Variants in MYO3B observed in about 807,000 individuals in gnomAD.
The protein encoded by MYO3B is myosin IIIB.
MYO3B carries 156 observed loss-of-function variants against 174.6 expected under a neutral mutation model. The observed-to-expected ratio is 0.89, with a 90% CI of 0.78 to 1.02. The LOEUF is 1.02. MYO3B is among the 50% of genes least tolerant of loss of function. The probability of loss-of-function intolerance (pLI) is 0.00; values close to 1 mark genes in which losing one functional copy is unlikely to be tolerated. For synonymous variants in MYO3B, 563 were observed against 569.1 expected, an observed-to-expected ratio of 0.99 and a Z score of 0.15; for missense variants, 1,632 against 1,639.4, an observed-to-expected ratio of 1.00 and a Z score of 0.08.
At chr2:170,205,339 T>C (rs552251468) in intron 3 of MYO3B, among the ~76,000 whole-genome samples, 2 of 152,088 alleles carry the variant, frequency 1.3e-5, no homozygotes, top group Non-Finnish European at 2.9e-5. Flanking sequence ...GAGACCAAAA[T>C]GAGGTGTCAG....
intron 1 of MYO3B, among the ~76,000 whole-genome samples, chr2:170,194,012 A>C (rs1394162252): frequency 6.6e-6 from 1 of 152,184 alleles, no homozygotes; most frequent in African/African-American, 2.4e-5. Context: ...TTCTAAGTAT[A>C]AATGGGTTCA....
intron 32 of MYO3B, among the ~76,000 whole-genome samples, chr2:170,637,117 A>G (rs1352304645): frequency 6.6e-6 from 1 of 150,954 alleles, no homozygotes; most frequent in Admixed American, 6.6e-5. Flanking sequence ...TTTTTATGAC[A>G]TATAGGAAGG....
At chr2:170,178,548 CCACACACACACA>C (rs3066877) in intron 1 of MYO3B, among the ~76,000 whole-genome samples, 1 of 151,164 alleles carries the variant, frequency 6.6e-6, no homozygotes, top group Non-Finnish European at 1.5e-5. Flanking sequence ...CAGACACACA[CCACACACACACA>C]CACACACACA....
intron 25 of MYO3B, among the ~76,000 whole-genome samples, chr2:170,481,454 G>A (rs539749384): frequency 1.3e-5 from 2 of 152,324 alleles, no homozygotes; most frequent in South Asian, 4.1e-4. Flanking sequence ...GCACATGCCT[G>A]TGGTCCTAGC....
intron 25 of MYO3B, among the ~76,000 whole-genome samples, chr2:170,487,448 T>C (rs1350815366): frequency 6.6e-6 from 1 of 152,236 alleles, no homozygotes; most frequent in Non-Finnish European, 1.5e-5. Flanking sequence ...GATACATCAG[T>C]AGATCCTACG....
chr2:170,233,376 A>G (rs2093034317), intron 6 of MYO3B, among the ~76,000 whole-genome samples: 1 of 152,238 alleles, frequency 6.6e-6, no homozygotes, highest in Non-Finnish European at 1.5e-5. Flanking sequence ...AGTGTCATGA[A>G]TAACAGTGAA....
At chr2:170,482,726 C>T (rs1685775204) in intron 25 of MYO3B, among the ~76,000 whole-genome samples, 1 of 152,242 alleles carries the variant, frequency 6.6e-6, no homozygotes, top group African/African-American at 2.4e-5. Flanking sequence ...CCAACTTTCT[C>T]ATTTACAGAT....
intron 25 of MYO3B, among the ~76,000 whole-genome samples, chr2:170,482,370 G>A (rs1332741348): frequency 1.3e-5 from 2 of 152,166 alleles, no homozygotes; most frequent in African/African-American, 4.8e-5. Context: ...GGCCAGGCTG[G>A]TCTTGAACTC....
chr2:170,498,576 T>G lies in MYO3B; in HGVS notation c.3015-16T>G. On this transcript the variant is annotated splice_polypyrimidine_tract_variant and intron_variant, in intron 25 of 34. Transcript: ENST00000408978. ...TGGTGACTGAAAAGGCTTCACTTAA[T>G]TCTTTTATTTTGCAGGTATTATTAC... 2 of 1,576,376 alleles carry G rather than the reference T, an allele frequency of 1.3e-6. No homozygotes were observed. The highest frequency in any genetic ancestry group is 1.7e-6 in the Non-Finnish European group (2 of 1,146,110).
At chr2:170,380,261 A>G (rs1471861275) in intron 9 of MYO3B, among the ~76,000 whole-genome samples, 2 of 117,152 alleles carry the variant, frequency 1.7e-5, no homozygotes, top group East Asian at 2.1e-4. Flanking sequence ...TGTTTAGTCA[A>G]TGATATTCAG....
chr2:170,539,844 A>G (rs1196859105), intron 30 of MYO3B, among the ~76,000 whole-genome samples: 1 of 151,758 alleles, frequency 6.6e-6, no homozygotes, highest in Non-Finnish European at 1.5e-5. Flanking sequence ...CTAGTCTCCA[A>G]CTCCTGAACT....
chr2:170,588,992 A>C (rs1030912035), intron 32 of MYO3B, among the ~76,000 whole-genome samples: 6 of 152,206 alleles, frequency 3.9e-5, no homozygotes, highest in African/African-American at 1.4e-4. Context: ...GGTGTGAATA[A>C]GAATGAGATT....
intron 25 of MYO3B, among the ~76,000 whole-genome samples, chr2:170,473,280 C>T (rs1685099431): frequency 6.6e-6 from 1 of 151,178 alleles, no homozygotes; most frequent in Non-Finnish European, 1.5e-5. Flanking sequence ...GTAGCTGGGA[C>T]TACAGGCACC....
chr2:170,537,306 A>G (rs1319972110), intron 30 of MYO3B, among the ~76,000 whole-genome samples: 1 of 151,502 alleles, frequency 6.6e-6, no homozygotes, highest in Non-Finnish European at 1.5e-5. Flanking sequence ...CCATGATCTC[A>G]CCACTGTACT....
chr2:170,290,316 C>T (rs974749787), intron 7 of MYO3B, among the ~76,000 whole-genome samples: 2 of 152,040 alleles, frequency 1.3e-5, no homozygotes, highest in Admixed American at 6.6e-5. Context: ...ATCTATCTCT[C>T]CCTTTAGATC....
At chr2:170,344,823 G>C (rs2094004438) in intron 8 of MYO3B, 1 of 152,232 alleles carries the variant, frequency 6.6e-6, no homozygotes, top group South Asian at 2.1e-4. Context: ...CCAAAGAAAT[G>C]TAAGAGTCAG....
chr2:170,534,264 G>T (rs1015820025), intron 30 of MYO3B, among the ~76,000 whole-genome samples: 1 of 152,136 alleles, frequency 6.6e-6, no homozygotes, highest in African/African-American at 2.4e-5. Context: ...TAGACATAAG[G>T]CTGTTGCACA....
At chr2:170,399,382 G>A (rs1347421799) in intron 16 of MYO3B, among the ~76,000 whole-genome samples, 1 of 151,152 alleles carries the variant, frequency 6.6e-6, no homozygotes, top group African/African-American at 2.4e-5. Flanking sequence ...GCTGAGGCAG[G>A]AGAATTGCTT....
chr2:170,358,437 A>C (rs1365493290), intron 8 of MYO3B, among the ~76,000 whole-genome samples: 4 of 152,140 alleles, frequency 2.6e-5, no homozygotes, highest in Non-Finnish European at 4.4e-5. Flanking sequence ...TTGAGGGAGT[A>C]TAGGGTGTGA....
Sources: allele counts gnomAD v4.1 joint callset (sites outside exome capture counted in the v4.1 genomes callset), GRCh38; gene constraint gnomAD v4.1.1; transcripts MANE v1.5; gene names NCBI Gene and HGNC (gene_info 2026-07-23, HGNC 2026-07-21).